ANKS1B: variants seen among roughly 807,000 people sequenced by gnomAD.
ANKS1B encodes the protein ankyrin repeat and sterile alpha motif domain-containing protein 1B.
In ANKS1B, 36 loss-of-function variants were observed where a neutral mutation model predicts 148.3. The ratio of observed to expected loss-of-function variants is 0.24; its 90% CI spans 0.19 to 0.32. The LOEUF is 0.32. Among genes scored for constraint, ANKS1B ranks in the 10% least tolerant of loss-of-function variants. The pLI is 1.00. For missense variants in ANKS1B, 1,157 were observed against 1,542.6 expected (o/e 0.75, Z 4.19); for synonymous variants, 542 against 560.8 (o/e 0.97, Z 0.47).
At chr12:99,875,882 T>A (rs11110080) in intron 1 of ANKS1B, among the ~76,000 whole-genome samples, 2 of 152,086 alleles carry the variant, frequency 1.3e-5, no homozygotes, top group Non-Finnish European at 2.9e-5. Context: ...GACTTTTTTA[T>A]GTGAAAACAG....
chr12:99,297,752 T>C (rs2154017083), intron 12 of ANKS1B, among the ~76,000 whole-genome samples: 1 of 152,210 alleles, frequency 6.6e-6, no homozygotes, highest in South Asian at 2.1e-4. Context: ...CACAGGCAAC[T>C]CCAGATCTAG....
intron 8 of ANKS1B, among the ~76,000 whole-genome samples, chr12:99,676,047 G>A (rs2098566075): frequency 6.6e-6 from 1 of 152,100 alleles, no homozygotes; most frequent in African/African-American, 2.4e-5. Context: ...CATGGGGGCA[G>A]ATACCCTCAT....
chr12:98,773,933 C>T (rs1272461686), intron 24 of ANKS1B, among the ~76,000 whole-genome samples: 1 of 152,172 alleles, frequency 6.6e-6, no homozygotes, highest in East Asian at 1.9e-4. Context: ...CGCCATCATG[C>T]TTGCACGTTG....
intron 12 of ANKS1B, among the ~76,000 whole-genome samples, chr12:99,256,510 A>C (rs1244216628): frequency 6.6e-6 from 1 of 152,014 alleles, no homozygotes; most frequent in Admixed American, 6.5e-5. Context: ...GAATGGCCTG[A>C]GATCATTTTC....
chr12:99,575,619 A>G (rs2097509874), intron 9 of ANKS1B, among the ~76,000 whole-genome samples: 1 of 152,072 alleles, frequency 6.6e-6, no homozygotes, highest in Non-Finnish European at 1.5e-5. Flanking sequence ...TTATCAAATC[A>G]TCAGATCTCG....
intron 14 of ANKS1B, among the ~76,000 whole-genome samples, chr12:99,157,956 C>A (rs529350812): frequency 3.3e-5 from 5 of 152,120 alleles, no homozygotes; most frequent in African/African-American, 1.2e-4. Context: ...GAATTTTATT[C>A]TTTTAGGTAT....
At chr12:99,604,674 G>T (rs2097837173) in intron 9 of ANKS1B, among the ~76,000 whole-genome samples, 1 of 151,654 alleles carries the variant, frequency 6.6e-6, no homozygotes. Flanking sequence ...AATTAGCTGG[G>T]CATGGTGGCA....
At chr12:99,123,908 G>A (rs1373265840) in intron 15 of ANKS1B, among the ~76,000 whole-genome samples, 1 of 152,098 alleles carries the variant, frequency 6.6e-6, no homozygotes, top group Non-Finnish European at 1.5e-5. Context: ...ACAATACATT[G>A]CATCCTTCAA....
intron 20 of ANKS1B, among the ~76,000 whole-genome samples, chr12:98,803,861 T>C (rs1239505110): frequency 1.3e-5 from 2 of 152,222 alleles, no homozygotes; most frequent in African/African-American, 4.8e-5. Flanking sequence ...GTTCCATACA[T>C]TTAAAGCCAG....
intron 12 of ANKS1B, among the ~76,000 whole-genome samples, chr12:99,334,807 G>C (rs1039827740): frequency 2.0e-5 from 3 of 152,022 alleles, no homozygotes; most frequent in African/African-American, 4.8e-5. Context: ...GTAAGGCAAG[G>C]TGTCCCAGGA....
intron 17 of ANKS1B, among the ~76,000 whole-genome samples, chr12:98,855,941 G>A (rs2099569131): frequency 6.6e-6 from 1 of 152,162 alleles, no homozygotes; most frequent in Non-Finnish European, 1.5e-5. Context: ...ACAGGTTGAT[G>A]CGCTGTCTTT....
In ANKS1B at chr12:99,983,414, G is replaced by A. The variant is rs989809127; in HGVS notation, c.134+690C>T. On this transcript the variant is annotated intron_variant, in intron 1 of 26. Transcript: ENST00000683438. Reference sequence around the variant, plus strand: ...CCAGTCTCACCTACGACATCTTCACGTTAAAAGGCCTCTACCGTACTCCAT... The same window carrying A: ...CCAGTCTCACCTACGACATCTTCACATTAAAAGGCCTCTACCGTACTCCAT... 2.4e-4 allele frequency among the ~76,000 whole-genome samples: 36 copies of A among 152,028 alleles called. 1 individual carries two copies.
intron 15 of ANKS1B, among the ~76,000 whole-genome samples, chr12:99,125,399 C>G (rs186132139): frequency 1.7e-3 from 254 of 152,250 alleles, no homozygotes; most frequent in African/African-American, 5.8e-3. Context: ...ACGTTCAATG[C>G]AGTGATGGTA....
intron 12 of ANKS1B, among the ~76,000 whole-genome samples, chr12:99,395,596 A>G (rs1233154375): frequency 1.3e-5 from 2 of 152,110 alleles, no homozygotes; most frequent in African/African-American, 4.8e-5. Flanking sequence ...ATGTCATTTC[A>G]TCTCAAATCT....
At chr12:99,779,769 G>T in intron 6 of ANKS1B, 102 bp downstream of exon 6, 1 of 833,238 alleles carries the variant, frequency 1.2e-6, no homozygotes, top group Non-Finnish European at 2.0e-6. Flanking sequence ...TAGTAAGTTT[G>T]TTCAAAAGTA....
At chr12:99,242,458 G>A (rs2089525044) in intron 14 of ANKS1B, among the ~76,000 whole-genome samples, 1 of 152,098 alleles carries the variant, frequency 6.6e-6, no homozygotes, top group African/African-American at 2.4e-5. Context: ...CGTGAAAATG[G>A]CCACACCACC....
chr12:99,461,873 T>C (rs1001376341), intron 10 of ANKS1B, among the ~76,000 whole-genome samples: 2 of 152,244 alleles, frequency 1.3e-5, no homozygotes, highest in African/African-American at 2.4e-5. Flanking sequence ...ATTTAATCTC[T>C]AGTAACTCAT....
intron 12 of ANKS1B, among the ~76,000 whole-genome samples, chr12:99,356,413 T>C (rs1260434756): frequency 2.0e-5 from 3 of 152,154 alleles, no homozygotes; most frequent in Non-Finnish European, 4.4e-5. Flanking sequence ...CGCACTGGCA[T>C]TGTGCGAGCC....
At chr12:99,154,155 C>T in intron 15 of ANKS1B, 134 bp downstream of exon 15, 4 of 1,104,572 alleles carry the variant, frequency 3.6e-6, no homozygotes, top group Non-Finnish European at 5.1e-6. Context: ...CTAAGGGCAT[C>T]CAATTTTCCA....
Sources: gnomAD v4.1 joint callset for allele counts (sites outside exome capture counted in the v4.1 genomes callset) on GRCh38, gnomAD v4.1.1 for gene constraint, MANE v1.5 for transcripts, NCBI Gene and HGNC (gene_info 2026-07-23, HGNC 2026-07-21) for gene names.